Variants in FRYL observed in about 807,000 individuals in gnomAD.
The protein encoded by FRYL is FRY like transcription coactivator.
Under a neutral mutation model 351.2 loss-of-function variants are expected in FRYL, and 150 were observed. The ratio of observed to expected loss-of-function variants is 0.43; its 90% confidence interval spans 0.37 to 0.49. The LOEUF (loss-of-function observed/expected upper bound fraction) is 0.49, where lower values mean the gene tolerates loss of function less well. FRYL is among the 20% of genes least tolerant of loss of function. The pLI, the probability that FRYL is intolerant of heterozygous loss-of-function variation, is 0.00. For missense variants in FRYL, 3,036 were observed against 3,619.3 expected (o/e 0.84, Z 4.13); for synonymous variants, 1,153 against 1,257.1 (o/e 0.92, Z 1.75).
chr4:48,705,710 G>A (rs1328664920), intron 2 of FRYL, among the ~76,000 whole-genome samples: 1 of 152,110 alleles, frequency 6.6e-6, no homozygotes, highest in East Asian at 1.9e-4. Flanking sequence ...GAACTTAATT[G>A]TATATCCAGT....
intron 2 of FRYL, among the ~76,000 whole-genome samples, chr4:48,705,871 C>T (rs1767285818): frequency 6.6e-6 from 1 of 152,036 alleles, no homozygotes; most frequent in African/African-American, 2.4e-5. Flanking sequence ...GAGTGTCACT[C>T]TGTCGCCCAG....
chr4:48,664,674 T>C (rs1486020395), intron 3 of FRYL, among the ~76,000 whole-genome samples: 1 of 152,172 alleles, frequency 6.6e-6, no homozygotes, highest in Non-Finnish European at 1.5e-5. Flanking sequence ...CAGTCCCACA[T>C]AGCTCTCACG....
At chr4:48,505,057 T>C (rs1720603490) in intron 60 of FRYL, among the ~76,000 whole-genome samples, 2 of 152,180 alleles carry the variant, frequency 1.3e-5, no homozygotes, top group African/African-American at 4.8e-5. Flanking sequence ...TGTTTATGTA[T>C]GTGCACCTTT....
chr4:48,565,573 A>G lies in FRYL; in HGVS notation c.3288T>C (p.Asp1096=), dbSNP rs371080476. Residue 1096 remains aspartate, a synonymous_variant, in exon 29 of 64, where the codon GAT becomes GAC. Coordinates refer to ENST00000358350, the MANE Select transcript of FRYL (RefSeq NM_015030.2). ...GATGTCTATTAATTTGCATATTTCT[A>G]TCACTGTATCTGTCCAAGGGCGTAA... is the stretch of plus-strand genomic sequence containing the variant. The part of the protein sequence containing the change: ...IMFTPLDRYS[D]RNMQINRHQY... 41 of 1,611,892 alleles carry G rather than the reference A, an allele frequency of 2.5e-5. No homozygotes were observed. Among genetic ancestry groups the G allele is most frequent in the Non-Finnish European group, 3.4e-5 (40 of 1,179,530 alleles).
chr4:48,624,274 GAACA>G (rs1159567946), intron 4 of FRYL, among the ~76,000 whole-genome samples: 1 of 151,758 alleles, frequency 6.6e-6, no homozygotes, highest in Non-Finnish European at 1.5e-5. Flanking sequence ...TTTTTTTACT[GAACA>G]AACAAATATT....
chr4:48,686,024 A>G (rs1436412067), intron 2 of FRYL, among the ~76,000 whole-genome samples: 2 of 152,188 alleles, frequency 1.3e-5, no homozygotes, highest in East Asian at 3.9e-4. Flanking sequence ...TACAGGCGTG[A>G]GCCACCATGC....
intron 55 of FRYL, among the ~76,000 whole-genome samples, chr4:48,520,110 TC>T (rs1724589151): frequency 6.6e-6 from 1 of 152,210 alleles, no homozygotes; most frequent in Non-Finnish European, 1.5e-5. Flanking sequence ...GCCATCCATG[TC>T]CTATTCTTCT....
intron 60 of FRYL, among the ~76,000 whole-genome samples, chr4:48,503,137 G>C (rs1259821364): frequency 6.6e-6 from 1 of 151,408 alleles, no homozygotes; most frequent in Non-Finnish European, 1.5e-5. Flanking sequence ...TTGTGATCTT[G>C]GTAAATCTGG....
At chr4:48,693,986 T>C (rs974890119) in intron 2 of FRYL, among the ~76,000 whole-genome samples, 6 of 56,504 alleles carry the variant, frequency 1.1e-4, no homozygotes, top group Non-Finnish European at 3.5e-5. Flanking sequence ...GCCACCAAAG[T>C]GTTTTATTTT....
rs751890853 is a variant in FRYL at position 48,575,113 on chromosome 4, T to A, written c.2846+4A>T. 6.2e-7 allele frequency: 1 copy of A among 1,612,996 alleles called. No individual in the cohort carries two copies. Among genetic ancestry groups the A allele is most frequent in the Non-Finnish European group, 8.5e-7 (1 of 1,179,170 alleles). ...ACATAGAAAAAATGTACGAACATAG[T>A]TACCTAAAAGCTCCTGGGTTGGTCC... On this transcript the variant is annotated splice_donor_region_variant and intron_variant, in intron 25 of 63. Coordinates refer to ENST00000358350, the MANE Select transcript of FRYL (RefSeq NM_015030.2).
intron 2 of FRYL, among the ~76,000 whole-genome samples, chr4:48,705,987 C>A (rs749455587): frequency 6.6e-6 from 1 of 152,182 alleles, no homozygotes; most frequent in Non-Finnish European, 1.5e-5. Flanking sequence ...CAGGCACACG[C>A]CACCACTCCT....
intron 3 of FRYL, among the ~76,000 whole-genome samples, chr4:48,665,643 A>G (rs897601456): frequency 2.0e-5 from 3 of 152,208 alleles, no homozygotes; most frequent in African/African-American, 7.2e-5. Context: ...ATCTGCCATC[A>G]AAATTGGCTA....
intron 1 of FRYL, among the ~76,000 whole-genome samples, chr4:48,713,533 C>A (rs1289577444): frequency 6.6e-6 from 1 of 152,154 alleles, no homozygotes; most frequent in African/African-American, 2.4e-5. Context: ...AAGGCCATTA[C>A]ATAACGGTAA....
intron 1 of FRYL, among the ~76,000 whole-genome samples, chr4:48,717,787 C>T (rs1769031323): frequency 6.6e-6 from 1 of 151,286 alleles, no homozygotes; most frequent in Non-Finnish European, 1.5e-5. Context: ...AGTGTTCCTC[C>T]TCCCTCACAT....
At chr4:48,601,306 A>G (rs1243781248) in intron 13 of FRYL, among the ~76,000 whole-genome samples, 2 of 152,218 alleles carry the variant, frequency 1.3e-5, no homozygotes, top group Admixed American at 1.3e-4. Context: ...AGTATATATC[A>G]AAAGAATATT....
intron 1 of FRYL, 130 bp from the exon 2 acceptor site, chr4:48,710,828 G>C (rs984677477): frequency 1.1e-5 from 4 of 374,124 alleles, no homozygotes; most frequent in Non-Finnish European, 1.9e-5. Flanking sequence ...ACATCATCCA[G>C]TAATTCCACA....
At chr4:48,514,559 G>A (rs1417351893) in intron 56 of FRYL, among the ~76,000 whole-genome samples, 1 of 152,158 alleles carries the variant, frequency 6.6e-6, no homozygotes, top group African/African-American at 2.4e-5. Context: ...GAGCAATCTA[G>A]CATCTAAGAA....
chr4:48,560,828 C>A (rs900949666), intron 33 of FRYL, among the ~76,000 whole-genome samples: 3 of 152,150 alleles, frequency 2.0e-5, no homozygotes, highest in African/African-American at 7.2e-5. Flanking sequence ...TAAACTATTT[C>A]TATTGCTAAA....
chr4:48,624,593 T>C lies in FRYL; in HGVS notation c.121-1414A>G, dbSNP rs114783881. 4.2e-4 allele frequency among the ~76,000 whole-genome samples: 64 copies of C among 152,320 alleles called. No individual in the cohort carries two copies. The South Asian group carries it at 0.013, about 30-fold the overall frequency. On this transcript the variant is annotated intron_variant, in intron 4 of 63. Transcript: ENST00000358350. ...AATGGACTATGATGCTATCTTGCAA[T>C]GGGTTGACAGAAAGTGGGAGTAAAG...
Sources: allele counts gnomAD v4.1 joint callset (sites outside exome capture counted in the v4.1 genomes callset), GRCh38; gene constraint gnomAD v4.1.1; transcripts MANE v1.5; gene names NCBI Gene and HGNC (gene_info 2026-07-23, HGNC 2026-07-21).